CRPPA: variants seen among roughly 807,000 people sequenced by gnomAD.
The protein encoded by CRPPA is CDP-L-ribitol pyrophosphorylase A.
Under a neutral mutation model 52.0 loss-of-function variants are expected in CRPPA, and 43 were observed. The ratio of observed to expected loss-of-function variants is 0.83; its 90% CI spans 0.65 to 1.07. The LOEUF (loss-of-function observed/expected upper bound fraction) is 1.07. Ranked by LOEUF, CRPPA falls within the 50% of genes least tolerant of loss-of-function variation. The probability of loss-of-function intolerance (pLI) is 0.00; values close to 1 mark genes in which losing one functional copy is unlikely to be tolerated. For missense variants in CRPPA, 629 were observed against 551.7 expected, an observed-to-expected ratio of 1.14 and a Z score of -1.40; for synonymous variants, 250 against 203.5, an observed-to-expected ratio of 1.23 and a Z score of -1.94.
At chr7:16,362,133 C>T (rs552972491) in intron 3 of CRPPA, among the ~76,000 whole-genome samples, 30 of 152,324 alleles carry the variant, frequency 2.0e-4, no homozygotes, top group African/African-American at 7.0e-4. Flanking sequence ...GGATTACAGG[C>T]GTGAGCCACC....
chr7:16,286,062 T>TTTAAAAA (rs1562608492), intron 5 of CRPPA, among the ~76,000 whole-genome samples: 1 of 32,370 alleles, frequency 3.1e-5, no homozygotes, highest in Non-Finnish European at 5.3e-5. Flanking sequence ...TATATATATA[T>TTTAAAAA]ATATATATAT....
At chr7:16,294,349 G>T (rs1381702518) in intron 5 of CRPPA, among the ~76,000 whole-genome samples, 1 of 151,888 alleles carries the variant, frequency 6.6e-6, no homozygotes, top group Non-Finnish European at 1.5e-5. Context: ...AAAAGCGACA[G>T]ATTTACTTGT....
At chr7:16,105,388 G>T (rs1782130871) in intron 9 of CRPPA, among the ~76,000 whole-genome samples, 5 of 152,110 alleles carry the variant, frequency 3.3e-5, no homozygotes, top group Admixed American at 2.6e-4. Flanking sequence ...AATTTCCCTG[G>T]GTCCCCACAG....
chr7:16,222,363 G>T (rs1456403160), intron 8 of CRPPA, among the ~76,000 whole-genome samples: 1 of 148,660 alleles, frequency 6.7e-6, no homozygotes, highest in Non-Finnish European at 1.5e-5. Context: ...GTTAGTGGGT[G>T]CAGCGCACCA....
chr7:16,108,060 CAA>C, intron 9 of CRPPA, among the ~76,000 whole-genome samples: 1 of 151,890 alleles, frequency 6.6e-6, no homozygotes, highest in African/African-American at 2.4e-5. Flanking sequence ...CATTAAATCA[CAA>C]GAGAAGAAAA....
chr7:16,310,542 G>C (rs1263922192), intron 3 of CRPPA, among the ~76,000 whole-genome samples: 1 of 152,018 alleles, frequency 6.6e-6, no homozygotes, highest in Non-Finnish European at 1.5e-5. Context: ...AATAGATCTA[G>C]GAAGATAAAG....
intron 9 of CRPPA, among the ~76,000 whole-genome samples, chr7:16,204,285 T>C (rs1224332216): frequency 1.3e-5 from 2 of 152,142 alleles, no homozygotes; most frequent in Non-Finnish European, 2.9e-5. Context: ...CAAATTAATA[T>C]CCAAACAATA....
At chr7:16,393,371 G>T (rs1787490095) in intron 2 of CRPPA, among the ~76,000 whole-genome samples, 1 of 152,078 alleles carries the variant, frequency 6.6e-6, no homozygotes, top group South Asian at 2.1e-4. Flanking sequence ...TGTCTCAATA[G>T]TGACTAAGAC....
chr7:16,337,631 GCTAGA>G (rs2128432111), intron 3 of CRPPA, among the ~76,000 whole-genome samples: 1 of 152,004 alleles, frequency 6.6e-6, no homozygotes, highest in South Asian at 2.1e-4. Context: ...AAACTCCTTA[GCTAGA>G]CTAGGAAAAA....
At chr7:16,356,260 C>T (rs1353026992) in intron 3 of CRPPA, among the ~76,000 whole-genome samples, 1 of 152,188 alleles carries the variant, frequency 6.6e-6, no homozygotes, top group African/African-American at 2.4e-5. Context: ...TTCTCAACAA[C>T]CCAGCAAGGA....
Position 16,090,666 on chromosome 7 carries a change from T to C in CRPPA, c.*1029A>G, listed in dbSNP as rs1781819215. ...TAAACCCAGGAGGCAGAGGTTGCAGTCAGCTGAGATTGTGCCACTGCACTC... is the reference window on the plus strand; with the variant it reads ...TAAACCCAGGAGGCAGAGGTTGCAGCCAGCTGAGATTGTGCCACTGCACTC... On this transcript the variant is annotated 3_prime_UTR_variant, in exon 10 of 10. Transcript: ENST00000407010. 6.6e-6 allele frequency: 1 copy of C among 151,524 alleles called. No individual in the cohort carries two copies. The highest frequency in any genetic ancestry group is 1.5e-5 in the Non-Finnish European group (1 of 67,996). 9.4% of individuals were successfully genotyped at this position (151,524 alleles called of 1,614,324 possible). A position where few individuals can be genotyped will look rare whatever the true frequency, so the allele number is the denominator to read the frequency against.
At position 16,172,785 on chromosome 7, in the gene CRPPA, T is replaced by C. The variant is rs944981538; in HGVS notation, c.1251+43281A>G. 3.9e-5 allele frequency among the ~76,000 whole-genome samples: 6 copies of C among 152,154 alleles called. No homozygotes were observed. In the East Asian group the frequency reaches 9.7e-4, roughly 24 times the overall value. On this transcript the variant is annotated intron_variant, in intron 9 of 9. Coordinates refer to ENST00000407010, the MANE Select transcript of CRPPA (RefSeq NM_001101426.4). ...GAACATTTGAATAGGACATGAGGGA[T>C]CCTGGGGTGGGATAGATCTTTTAAG...
intron 3 of CRPPA, among the ~76,000 whole-genome samples, chr7:16,329,297 G>A (rs969061914): frequency 1.1e-4 from 17 of 152,154 alleles, no homozygotes; most frequent in African/African-American, 4.1e-4. Context: ...ACAAATGGAA[G>A]TTACAAATGA....
intron 9 of CRPPA, among the ~76,000 whole-genome samples, chr7:16,160,645 G>A (rs1783284001): frequency 6.6e-6 from 1 of 152,078 alleles, no homozygotes; most frequent in Admixed American, 6.6e-5. Flanking sequence ...TTGGCTACAC[G>A]AGCTCTTTTT....
chr7:16,087,584 T>C lies in CRPPA; in HGVS notation c.*4111A>G, dbSNP rs1303459515. 1 of 151,924 alleles carries C rather than the reference T, an allele frequency of 6.6e-6. No homozygotes were observed. The highest frequency in any genetic ancestry group is 1.5e-5 in the Non-Finnish European group (1 of 67,924). The allele number at this position is 151,924 out of a possible 1,614,324, so 9.4% of individuals were successfully genotyped here. A position where few individuals can be genotyped will look rare whatever the true frequency, so the allele number is the denominator to read the frequency against. On this transcript the variant is annotated 3_prime_UTR_variant, in exon 10 of 10. Coordinates refer to ENST00000407010, the MANE Select transcript of CRPPA (RefSeq NM_001101426.4). ...TTTTGTAAAAACAACATATTTAGAA[T>C]CTTTATAGTACTTTTCAATGTCACC... is the stretch of plus-strand genomic sequence containing the variant.
At chr7:16,206,388 A>G (rs142115522) in intron 9 of CRPPA, among the ~76,000 whole-genome samples, 3 of 152,174 alleles carry the variant, frequency 2.0e-5, no homozygotes, top group Non-Finnish European at 4.4e-5. Context: ...TAACTTCAAT[A>G]CTTCTAATAC....
At chr7:16,316,495 T>G (rs1785147836) in intron 3 of CRPPA, among the ~76,000 whole-genome samples, 1 of 152,096 alleles carries the variant, frequency 6.6e-6, no homozygotes, top group South Asian at 2.1e-4. Flanking sequence ...AACATATATA[T>G]GGTTTTGTTC....
chr7:16,337,989 C>T (rs1481135907), intron 3 of CRPPA, among the ~76,000 whole-genome samples: 1 of 152,110 alleles, frequency 6.6e-6, no homozygotes, highest in African/African-American at 2.4e-5. Flanking sequence ...TTTTCAAACT[C>T]ATTTTACAAA....
At chr7:16,280,114 T>TA (rs746473327) in intron 5 of CRPPA, among the ~76,000 whole-genome samples, 8 of 152,268 alleles carry the variant, frequency 5.3e-5, no homozygotes, top group Non-Finnish European at 1.0e-4. Context: ...ATGATTCAAT[T>TA]ACCTCCCACT....
Sources: allele counts gnomAD v4.1 joint callset (sites outside exome capture counted in the v4.1 genomes callset), GRCh38; gene constraint gnomAD v4.1.1; transcripts MANE v1.5; gene names NCBI Gene and HGNC (gene_info 2026-07-23, HGNC 2026-07-21).